Variants in ST8SIA2 observed in about 807,000 individuals in gnomAD.
ST8SIA2 encodes ST8 alpha-N-acetyl-neuraminide alpha-2,8-sialyltransferase 2, also known as alpha-2,8-sialyltransferase 8B.
A neutral mutation model predicts 37.6 loss-of-function variants in ST8SIA2; 22 were observed. The observed-to-expected ratio is 0.58, with a 90% CI of 0.42 to 0.83. The LOEUF is 0.83. ST8SIA2 is among the 40% of genes least tolerant of loss of function. The probability of loss-of-function intolerance (pLI) is 0.00; values close to 1 mark genes in which losing one functional copy is unlikely to be tolerated. For synonymous variants in ST8SIA2, 205 were observed against 201.2 expected (o/e 1.02, Z -0.16); for missense variants, 382 against 484.7 (o/e 0.79, Z 1.99).
chr15:92,464,219 A>G lies in ST8SIA2; in HGVS notation c.962A>G (p.Asp321Gly). The G allele has an allele frequency of 6.2e-7, 1 of 1,613,854 alleles. No homozygotes were observed. The change falls in exon 6 of 6, where the codon GAT (aspartate) becomes GGT (glycine). Residue 321 changes from aspartate to glycine, a missense_variant. Coordinates refer to ENST00000268164, the MANE Select transcript of ST8SIA2 (RefSeq NM_006011.4). ...TACGGCTTCTGGCCCTTTCCGCTGGATCAGAACCAGAACCCAGTCAAGTAC... is the reference window on the plus strand; with the variant it reads ...TACGGCTTCTGGCCCTTTCCGCTGGGTCAGAACCAGAACCCAGTCAAGTAC... The part of the protein sequence containing the change: ...YLYGFWPFPL[D>G]QNQNPVKYHY...
intron 3 of ST8SIA2, among the ~76,000 whole-genome samples, chr15:92,434,888 A>G (rs527754513): frequency 1.4e-5 from 2 of 147,150 alleles, no homozygotes; most frequent in Admixed American, 7.0e-5. Context: ...AGGAACTGAC[A>G]TGACACCCGA....
intron 5 of ST8SIA2, among the ~76,000 whole-genome samples, chr15:92,449,774 G>A (rs12148510): frequency 0.33 from 49,755 of 152,060 alleles, 9,535 homozygotes; most frequent in South Asian, 0.51. Flanking sequence ...ATTTTTTCAT[G>A]TATTTGTTGG....
In ST8SIA2 at chr15:92,444,634, A is replaced by G; in HGVS notation, c.549-2A>G. 6.2e-7 allele frequency: 1 copy of G among 1,614,246 alleles called. No individual in the cohort carries two copies. Among genetic ancestry groups the G allele is most frequent in the Non-Finnish European group, 8.5e-7 (1 of 1,180,036 alleles). The stretch of plus-strand genomic sequence containing the variant: ...GGATCATGTTGCCTTTTTCTCCGGC[A>G]GGTGCAACCTGGCCCCAGTACAGGA... On this transcript the variant is annotated splice_acceptor_variant, in intron 4 of 5. Coordinates refer to ENST00000268164, the MANE Select transcript of ST8SIA2 (RefSeq NM_006011.4). LOFTEE classifies it high-confidence loss of function.
At chr15:92,439,971 C>G (rs2049789604) in intron 4 of ST8SIA2, among the ~76,000 whole-genome samples, 1 of 152,160 alleles carries the variant, frequency 6.6e-6, no homozygotes, top group Admixed American at 6.5e-5. Flanking sequence ...GCTGTCTGAC[C>G]TAAAGCCACA....
At chr15:92,403,615 A>G (rs1432613120) in intron 1 of ST8SIA2, among the ~76,000 whole-genome samples, 1 of 152,128 alleles carries the variant, frequency 6.6e-6, no homozygotes, top group Non-Finnish European at 1.5e-5. Flanking sequence ...AGTGATACCC[A>G]GGGTTAATTC....
At position 92,394,144 on chromosome 15, in the gene ST8SIA2, A is replaced by G. The variant is rs1224469972; in HGVS notation, c.80A>G (p.Glu27Gly). Reference protein sequence around the residue: ...VVFLIFADISEIEEEIGNSGG... With the variant: ...VVFLIFADISGIEEEIGNSGG... Reference sequence around the variant, plus strand: ...TTCCTCATCTTCGCAGACATCTCAGAGATCGAAGAAGAAATCGGGTAAATA... The same window carrying G: ...TTCCTCATCTTCGCAGACATCTCAGGGATCGAAGAAGAAATCGGGTAAATA... Residue 27 changes from glutamate (E) to glycine (G), a missense_variant, in exon 1 of 6, where the codon GAG becomes GGG. By Grantham distance (98) the Glu-to-Gly change is moderately conservative (BLOSUM62 -2). Coordinates refer to ENST00000268164, the MANE Select transcript of ST8SIA2 (RefSeq NM_006011.4). 6.4e-7 allele frequency: 1 copy of G among 1,557,646 alleles called. No individual in the cohort carries two copies. Among genetic ancestry groups the G allele is most frequent in the Non-Finnish European group, 8.7e-7 (1 of 1,149,612 alleles).
At chr15:92,438,172 G>T (rs963976690) in intron 3 of ST8SIA2, among the ~76,000 whole-genome samples, 181 bp from the exon 4 acceptor site, 21 of 152,192 alleles carry the variant, frequency 1.4e-4, no homozygotes, top group African/African-American at 4.8e-4. Context: ...AGTTGCTTCT[G>T]GGCCACTTCT....
At position 92,466,875 on chromosome 15, in the gene ST8SIA2, T is replaced by A. The variant is rs966710611; in HGVS notation, c.*2490T>A. 6.6e-6 allele frequency: 1 copy of A among 152,070 alleles called. No individual in the cohort carries two copies. Among genetic ancestry groups the A allele is most frequent in the African/African-American group, 2.4e-5 (1 of 41,326 alleles). The allele number at this position is 152,070 out of a possible 1,614,324, so 9.4% of individuals were successfully genotyped here. A position where few individuals can be genotyped will look rare whatever the true frequency, so the allele number is the denominator to read the frequency against. On this transcript the variant is annotated 3_prime_UTR_variant, in exon 6 of 6. Coordinates refer to ENST00000268164, the MANE Select transcript of ST8SIA2 (RefSeq NM_006011.4). ...ATTGTCCTTCCCTGCCCATTCAGAG[T>A]TCAATTTGAGCCTCCACTGCAGTTC...
intron 1 of ST8SIA2, among the ~76,000 whole-genome samples, chr15:92,404,708 TG>T (rs2049495435): frequency 6.7e-6 from 1 of 149,854 alleles, no homozygotes; most frequent in African/African-American, 2.5e-5. Flanking sequence ...TAGTGCTGCA[TG>T]CCTGTAGTCC....
rs58508323 is a variant in ST8SIA2, at chr15:92,408,677, TTTTATTTATTTATTTA to T, written c.98+14546_98+14561del. 1.9e-4 allele frequency among the ~76,000 whole-genome samples: 23 copies of T among 123,138 alleles called. No individual in the cohort carries two copies. In the East Asian group the frequency reaches 2.2e-3, roughly 12 times the overall value. 80.8% of individuals were successfully genotyped at this position (123,138 alleles called of 152,430 possible). On this transcript the variant is annotated intron_variant, in intron 1 of 5. Coordinates refer to ENST00000268164, the MANE Select transcript of ST8SIA2 (RefSeq NM_006011.4). ...TTTGAAATCCACTGAGTTCCATTTT[TTTTATTTATTTATTTA>T]TTTATTTATTTATTTATTTATTTAT...
intron 5 of ST8SIA2, among the ~76,000 whole-genome samples, 171 bp from the exon 6 acceptor site, chr15:92,463,929 C>T (rs1173806077): frequency 6.6e-6 from 1 of 152,032 alleles, no homozygotes; most frequent in African/African-American, 2.4e-5. Flanking sequence ...AGTTCAGTTG[C>T]TTCATGTGCT....
At chr15:92,454,736 GC>G (rs1181008397) in intron 5 of ST8SIA2, among the ~76,000 whole-genome samples, 2 of 151,906 alleles carry the variant, frequency 1.3e-5, no homozygotes, top group Non-Finnish European at 2.9e-5. Flanking sequence ...TCACCCAGGG[GC>G]CCCTGGCTCT....
At chr15:92,394,976 G>A (rs981992911) in intron 1 of ST8SIA2, among the ~76,000 whole-genome samples, 2 of 152,136 alleles carry the variant, frequency 1.3e-5, no homozygotes, top group Non-Finnish European at 2.9e-5. Context: ...GGGTGGGACC[G>A]CGAGCCCGGA....
intron 5 of ST8SIA2, among the ~76,000 whole-genome samples, chr15:92,454,820 C>T (rs1480729579): frequency 6.6e-6 from 1 of 152,110 alleles, no homozygotes; most frequent in East Asian, 1.9e-4. Context: ...TGGAAGGACA[C>T]TGAGGCAATT....
At chr15:92,409,983 G>A (rs1376885852) in intron 1 of ST8SIA2, among the ~76,000 whole-genome samples, 7 of 152,366 alleles carry the variant, frequency 4.6e-5, no homozygotes, top group East Asian at 3.9e-4. Flanking sequence ...GTGTAATGAC[G>A]AGGAATGTGT....
At chr15:92,418,800 AT>A (rs2049608716) in intron 1 of ST8SIA2, among the ~76,000 whole-genome samples, 1 of 152,218 alleles carries the variant, frequency 6.6e-6, no homozygotes, top group Admixed American at 6.5e-5. Flanking sequence ...ACAATTTTTA[AT>A]TGTGGCACCT....
intron 1 of ST8SIA2, among the ~76,000 whole-genome samples, chr15:92,400,842 G>A (rs2141797097): frequency 6.6e-6 from 1 of 152,316 alleles, no homozygotes; most frequent in African/African-American, 2.4e-5. Context: ...CAGGAACGCA[G>A]GGCCAGCTGT....
intron 1 of ST8SIA2, among the ~76,000 whole-genome samples, chr15:92,404,450 A>G (rs1180142247): frequency 6.6e-6 from 1 of 152,176 alleles, no homozygotes; most frequent in Admixed American, 6.5e-5. Flanking sequence ...GGAAAACAGT[A>G]TGACGGTTCC....
intron 4 of ST8SIA2, among the ~76,000 whole-genome samples, chr15:92,443,139 C>T (rs911004035): frequency 2.1e-4 from 32 of 152,204 alleles, no homozygotes; most frequent in African/African-American, 6.5e-4. Context: ...ATAAATGGTA[C>T]GTTCCTGGAT....
Sources: gnomAD v4.1 joint callset for allele counts (sites outside exome capture counted in the v4.1 genomes callset) on GRCh38, gnomAD v4.1.1 for gene constraint, MANE v1.5 for transcripts, NCBI Gene and HGNC (gene_info 2026-07-23, HGNC 2026-07-21) for gene names.